LRPPRC: variants seen among roughly 807,000 people sequenced by gnomAD.
The protein encoded by LRPPRC is leucine rich pentatricopeptide repeat containing.
Under a neutral mutation model 180.3 loss-of-function variants are expected in LRPPRC, and 120 were observed. The observed-to-expected ratio is 0.67, with a 90% CI of 0.57 to 0.77. LRPPRC has a LOEUF of 0.77. Among genes scored for constraint, LRPPRC ranks in the 30% least tolerant of loss-of-function variants. The pLI, the probability that LRPPRC is intolerant of heterozygous loss-of-function variation, is 0.00. For missense variants in LRPPRC, 2,012 were observed against 1,657.2 expected (o/e 1.21, Z -3.72); for synonymous variants, 723 against 600.0 (o/e 1.21, Z -3.00).
chr2:43,960,604 A>T lies in LRPPRC; in HGVS notation c.1519T>A (p.Phe507Ile), dbSNP rs1287653653. The stretch of plus-strand genomic sequence containing the variant: ...TCACTTCTCAATCCAGCTTGAGAAA[A>T]CATATCACTATCAGACAGACATCCA... Reference protein sequence around the residue: ...ENGCLSDSDMFSQAGLRSEAA... With the variant: ...ENGCLSDSDMISQAGLRSEAA... The change falls in exon 13 of 38, where the codon TTT becomes ATT. Residue 507 changes from phenylalanine (F) to isoleucine (I), a missense_variant. Transcript: ENST00000260665. The T allele has an allele frequency of 6.2e-7, 1 of 1,600,932 alleles. No homozygotes were observed. The highest frequency in any genetic ancestry group is 8.6e-7 in the Non-Finnish European group (1 of 1,169,362).
intron 22 of LRPPRC, 71 bp from the exon 23 acceptor site, chr2:43,943,965 A>C: frequency 9.4e-7 from 1 of 1,062,678 alleles, no homozygotes. Flanking sequence ...TTAAAACAGC[A>C]TTTCAAGCCC....
In LRPPRC at chr2:43,934,191, T is replaced by G. The variant is rs370218894; in HGVS notation, c.2735A>C (p.Glu912Ala). The G allele has an allele frequency of 4.5e-6, 7 of 1,557,872 alleles. No individual in the cohort carries two copies. Among genetic ancestry groups the G allele is most frequent in the Non-Finnish European group, 6.2e-6 (7 of 1,129,490 alleles). ...GNYKEAKKII[E>A]TPGIRARSAR... ...AGAACACTGTAGTTAAAATCACACCTCAATGATCTTCTTGGCCTCTTTGTA... is the reference window on the plus strand; with the variant it reads ...AGAACACTGTAGTTAAAATCACACCGCAATGATCTTCTTGGCCTCTTTGTA... The change falls in exon 25 of 38, where the codon GAG (glutamate) becomes GCG (alanine). Residue 912 changes from glutamate to alanine, a missense_variant and splice_region_variant. Transcript: ENST00000260665.
chr2:43,934,029 A>G (rs544114723), intron 25 of LRPPRC, among the ~76,000 whole-genome samples, 161 bp downstream of exon 25: 9 of 152,302 alleles, frequency 5.9e-5, no homozygotes, highest in African/African-American at 1.9e-4. Flanking sequence ...AATTATATAC[A>G]ATAAAGAAGC....
intron 30 of LRPPRC, among the ~76,000 whole-genome samples, chr2:43,910,494 G>A (rs973500076): frequency 2.6e-5 from 4 of 152,110 alleles, no homozygotes; most frequent in Admixed American, 6.6e-5. Context: ...CTTGGCCTCC[G>A]AAAGTGTTGG....
Position 43,960,538 on chromosome 2 carries a change from TA to T in LRPPRC, c.1582+2del. 6.6e-7 allele frequency: 1 copy of T among 1,507,366 alleles called. No homozygotes were observed. Among genetic ancestry groups the T allele is most frequent in the Non-Finnish European group, 9.2e-7 (1 of 1,084,500 alleles). 93.4% of individuals were successfully genotyped at this position (1,507,366 alleles called of 1,614,324 possible). A position where few individuals can be genotyped will look rare whatever the true frequency, so the allele number is the denominator to read the frequency against. ...AAGTTTACCGCTAATGTTGTATACT[TA>T]CAAAATGATAATACAAAGTCTAAGT... On this transcript the variant is annotated splice_donor_variant, in intron 13 of 37. Transcript: ENST00000260665. LOFTEE classifies it high-confidence loss of function.
intron 15 of LRPPRC, among the ~76,000 whole-genome samples, 180 bp from the exon 16 acceptor site, chr2:43,949,839 G>A (rs1220324224): frequency 6.6e-6 from 1 of 152,054 alleles, no homozygotes; most frequent in Non-Finnish European, 1.5e-5. Context: ...TAATAGGTTT[G>A]TCTTTTAAAA....
At chr2:43,945,654 A>G (rs542334386) in intron 21 of LRPPRC, among the ~76,000 whole-genome samples, 17 of 152,274 alleles carry the variant, frequency 1.1e-4, no homozygotes, top group African/African-American at 4.1e-4. Context: ...CTCCATCTGC[A>G]AAGGATACTT....
intron 25 of LRPPRC, among the ~76,000 whole-genome samples, chr2:43,931,742 G>A (rs1160966528): frequency 6.6e-6 from 1 of 152,120 alleles, no homozygotes; most frequent in Non-Finnish European, 1.5e-5. Context: ...GATAAATGAA[G>A]CTCTTAGATC....
Position 43,974,222 on chromosome 2 carries a change from G to A in LRPPRC, c.1083C>T (p.Cys361=). The A allele has an allele frequency of 1.2e-6, 2 of 1,609,786 alleles. No individual in the cohort carries two copies. The highest frequency in any genetic ancestry group is 1.7e-4 in the Middle Eastern group (1 of 6,056). Reference sequence around the variant, plus strand: ...TTGGGCCATCTTCCTTTGATACGGGGCATGCTAGTAAAATTTGCAACGCTA... The same window carrying A: ...TTGGGCCATCTTCCTTTGATACGGGACATGCTAGTAAAATTTGCAACGCTA... ...EDVALQILLA[C]PVSKEDGPSV... Residue 361 remains cysteine (C), a synonymous_variant, in exon 9 of 38, where the codon TGC becomes TGT. Transcript: ENST00000260665.
chr2:43,903,214 CA>C, intron 31 of LRPPRC: 1 of 152,270 alleles, frequency 6.6e-6, no homozygotes, highest in Non-Finnish European at 1.5e-5. Flanking sequence ...TCAGGGACAC[CA>C]AAAATGTTAC....
chr2:43,924,993 A>G (rs1468519580), intron 27 of LRPPRC, 74 bp downstream of exon 27: 4 of 918,570 alleles, frequency 4.4e-6, no homozygotes, highest in Non-Finnish European at 7.3e-6. Flanking sequence ...AGCTCCCTCA[A>G]AACCAAATAC....
chr2:43,921,008 G>C (rs867916978), intron 27 of LRPPRC, among the ~76,000 whole-genome samples: 1 of 152,260 alleles, frequency 6.6e-6, no homozygotes, highest in African/African-American at 2.4e-5. Context: ...AATAAGACTT[G>C]TGGGCAGGTG....
At position 43,905,719 on chromosome 2, in the gene LRPPRC, T is replaced by A. The variant is rs757467011; in HGVS notation, c.3337A>T (p.Thr1113Ser). 6.2e-7 allele frequency: 1 copy of A among 1,613,972 alleles called. No homozygotes were observed. The highest frequency in any genetic ancestry group is 1.1e-5 in the South Asian group (1 of 91,076). The change falls in exon 31 of 38, where the codon ACG becomes TCG. Residue 1113 changes from threonine (T) to serine (S), a missense_variant. Thr to Ser is a moderately conservative substitution (Grantham distance 58). Coordinates refer to ENST00000260665, the MANE Select transcript of LRPPRC (RefSeq NM_133259.4). ...TTCAAATAATCCCGCCTAACTTGCG[T>A]TATGATGAGGCGGCTGTTGGCAGCA... ...NDAANSRLIITQVRRDYLKEA... is the reference protein window; with the variant it reads ...NDAANSRLIISQVRRDYLKEA...
At chr2:43,924,209 A>G (rs1671796133) in intron 27 of LRPPRC, among the ~76,000 whole-genome samples, 1 of 152,196 alleles carries the variant, frequency 6.6e-6, no homozygotes, top group African/African-American at 2.4e-5. Context: ...ATAAATCTAG[A>G]TAAACATCCA....
chr2:43,890,937 C>T (rs1670469057), intron 36 of LRPPRC, among the ~76,000 whole-genome samples: 1 of 152,278 alleles, frequency 6.6e-6, no homozygotes, highest in Admixed American at 6.5e-5. Flanking sequence ...AGCATCTAAG[C>T]ATCACATAAA....
intron 14 of LRPPRC, among the ~76,000 whole-genome samples, chr2:43,954,585 A>G (rs1196047013): frequency 1.3e-5 from 2 of 152,068 alleles, no homozygotes; most frequent in Non-Finnish European, 2.9e-5. Context: ...GAATACATAC[A>G]CTCTTGAAAA....
At chr2:43,960,442 T>C in intron 13 of LRPPRC, 99 bp downstream of exon 13, 1 of 770,132 alleles carries the variant, frequency 1.3e-6, no homozygotes. Context: ...ACAAAACATA[T>C]AAACCTTCCT....
chr2:43,889,498 C>T (rs1049251904), intron 37 of LRPPRC, among the ~76,000 whole-genome samples: 5 of 151,948 alleles, frequency 3.3e-5, no homozygotes, highest in Non-Finnish European at 7.4e-5. Flanking sequence ...AAATCCATGC[C>T]TATAGCTGAA....
At chr2:43,959,245 C>T in intron 13 of LRPPRC, 1 of 712,504 alleles carries the variant, frequency 1.4e-6, no homozygotes. Flanking sequence ...GAGTGGAAGG[C>T]AAAATCAATA....
Sources: allele counts gnomAD v4.1 joint callset (sites outside exome capture counted in the v4.1 genomes callset), GRCh38; gene constraint gnomAD v4.1.1; transcripts MANE v1.5; gene names NCBI Gene and HGNC (gene_info 2026-07-23, HGNC 2026-07-21).